Variants in UTRN observed in about 807,000 individuals in gnomAD.
UTRN encodes the protein utrophin, also known as dystrophin-related protein 1.
UTRN carries 283 observed loss-of-function variants against 463.9 expected under a neutral mutation model. The observed-to-expected ratio is 0.61, with a 90% confidence interval of 0.55 to 0.67. UTRN has a LOEUF of 0.67. Among genes scored for constraint, UTRN ranks in the 30% least tolerant of loss-of-function variants. The probability of loss-of-function intolerance (pLI) is 0.00; values close to 1 mark genes in which losing one functional copy is unlikely to be tolerated. For synonymous variants in UTRN, 1,442 were observed against 1,431.5 expected (o/e 1.01, Z -0.17); for missense variants, 3,922 against 4,084.3 (o/e 0.96, Z 1.08).
intron 2 of UTRN, among the ~76,000 whole-genome samples, chr6:144,326,812 C>G (rs1414278593): frequency 6.6e-6 from 1 of 152,144 alleles, no homozygotes; most frequent in African/African-American, 2.4e-5. Context: ...AGGGGCCAAC[C>G]AGTCCAGTTA....
intron 64 of UTRN, 130 bp downstream of exon 64, chr6:144,798,120 T>C (rs1777391389): frequency 2.5e-6 from 3 of 1,212,438 alleles, no homozygotes; most frequent in South Asian, 1.5e-5. Flanking sequence ...ATGTTCAGTA[T>C]GTCTCATCTA....
intron 3 of UTRN, among the ~76,000 whole-genome samples, chr6:144,411,626 G>A (rs1783904973): frequency 6.6e-6 from 1 of 152,128 alleles, no homozygotes; most frequent in South Asian, 2.1e-4. Flanking sequence ...ATATTACTTG[G>A]TTTGGCATGT....
intron 26 of UTRN, among the ~76,000 whole-genome samples, chr6:144,480,957 T>C (rs1371385600): frequency 6.6e-6 from 1 of 152,324 alleles, no homozygotes; most frequent in East Asian, 1.9e-4. Context: ...GTAGCTCTTT[T>C]TGAAAGATTT....
chr6:144,617,275 A>G (rs553456246), intron 51 of UTRN, among the ~76,000 whole-genome samples: 25 of 152,270 alleles, frequency 1.6e-4, no homozygotes, highest in African/African-American at 5.8e-4. Context: ...TATACAAATG[A>G]TATGTTTAGA....
chr6:144,487,992 A>G (rs1792644436), intron 29 of UTRN, among the ~76,000 whole-genome samples: 1 of 152,220 alleles, frequency 6.6e-6, no homozygotes, highest in Non-Finnish European at 1.5e-5. Context: ...AACAACTCAT[A>G]CTATCCTAGT....
At chr6:144,684,166 C>T (rs752413173) in intron 52 of UTRN, among the ~76,000 whole-genome samples, 4 of 151,806 alleles carry the variant, frequency 2.6e-5, no homozygotes, top group Admixed American at 6.6e-5. Context: ...TCTCCTGCCT[C>T]AGCCTCCCAA....
At chr6:144,489,247 C>T (rs866513098) in intron 30 of UTRN, among the ~76,000 whole-genome samples, 6 of 152,032 alleles carry the variant, frequency 3.9e-5, no homozygotes, top group Admixed American at 2.6e-4. Flanking sequence ...GACGGGGTTT[C>T]GCCATGTTGG....
At chr6:144,332,622 C>A (rs1776416247) in intron 2 of UTRN, among the ~76,000 whole-genome samples, 1 of 151,908 alleles carries the variant, frequency 6.6e-6, no homozygotes, top group Admixed American at 6.6e-5. Flanking sequence ...GAGAGAACTC[C>A]TACTCAGAAT....
intron 51 of UTRN, among the ~76,000 whole-genome samples, chr6:144,597,094 C>T (rs1453131959): frequency 6.6e-6 from 1 of 151,998 alleles, no homozygotes; most frequent in Non-Finnish European, 1.5e-5. Flanking sequence ...AAAAATTAGC[C>T]GGATGTGGTG....
intron 66 of UTRN, among the ~76,000 whole-genome samples, chr6:144,826,577 C>T (rs1780206204): frequency 1.3e-5 from 2 of 152,120 alleles, no homozygotes; most frequent in South Asian, 4.1e-4. Context: ...TCTTCCTAGG[C>T]AGTATATGAC....
At chr6:144,523,669 TG>T (rs2128597192) in intron 41 of UTRN, among the ~76,000 whole-genome samples, 1 of 152,346 alleles carries the variant, frequency 6.6e-6, no homozygotes, top group African/African-American at 2.4e-5. Context: ...AATGTGATCA[TG>T]TATAGATGAC....
chr6:144,418,507 G>A (rs995825533), intron 3 of UTRN, among the ~76,000 whole-genome samples: 2 of 151,874 alleles, frequency 1.3e-5, no homozygotes, highest in Admixed American at 6.6e-5. Flanking sequence ...ACAGGCGTGA[G>A]CCATCGTGCC....
chr6:144,685,755 A>G (rs1191461882), intron 52 of UTRN, among the ~76,000 whole-genome samples: 1 of 149,128 alleles, frequency 6.7e-6, no homozygotes, highest in East Asian at 1.9e-4. Context: ...TAGATTCTGG[A>G]TATCAATTCT....
At position 144,748,436 on chromosome 6, in the gene UTRN, A is replaced by G; in HGVS notation, c.8130A>G (p.Ala2710=). The change falls in exon 55 of 75, where the codon GCA becomes GCG. Residue 2710 remains alanine, a synonymous_variant. Coordinates refer to ENST00000367545, the MANE Select transcript of UTRN (RefSeq NM_007124.3). ...ACCTGGACGCTGACATGAAGGAGGC[A>G]GAGTCCGTGCGGAATGGCTGGAAGC... ...MDDLDADMKE[A]ESVRNGWKPV... 6.2e-7 allele frequency: 1 copy of G among 1,614,024 alleles called. No individual in the cohort carries two copies. Among genetic ancestry groups the G allele is most frequent in the Non-Finnish European group, 8.5e-7 (1 of 1,179,944 alleles).
At chr6:144,412,774 C>G (rs1296339305) in intron 3 of UTRN, among the ~76,000 whole-genome samples, 1 of 149,926 alleles carries the variant, frequency 6.7e-6, no homozygotes, top group African/African-American at 2.5e-5. Context: ...CACACACACA[C>G]ACACACACAC....
intron 65 of UTRN, among the ~76,000 whole-genome samples, chr6:144,807,106 GC>G (rs886486971): frequency 3.8e-4 from 58 of 152,200 alleles, no homozygotes; most frequent in African/African-American, 1.3e-3. Flanking sequence ...CTTGATGTTT[GC>G]ATTCCTCAGA....
chr6:144,758,063 C>A, intron 58 of UTRN, 74 bp downstream of exon 58: 3 of 1,290,688 alleles, frequency 2.3e-6, no homozygotes, highest in South Asian at 1.3e-5. Flanking sequence ...GGCTTCTCTC[C>A]CCATAACTTT....
chr6:144,485,335 A>C (rs1442361154), intron 27 of UTRN, 50 bp from the exon 28 acceptor site: 1 of 1,610,376 alleles, frequency 6.2e-7, no homozygotes. Flanking sequence ...TACTAGAGAT[A>C]CGATGTGTGA....
chr6:144,488,606 G>T (rs1792717135), intron 29 of UTRN, 67 bp from the exon 30 acceptor site: 1 of 1,505,688 alleles, frequency 6.6e-7, no homozygotes, highest in African/African-American at 1.4e-5. Context: ...TTAGTGGCCA[G>T]AATATATATA....
Sources: gnomAD v4.1 joint callset for allele counts (sites outside exome capture counted in the v4.1 genomes callset) on GRCh38, gnomAD v4.1.1 for gene constraint, MANE v1.5 for transcripts, NCBI Gene and HGNC (gene_info 2026-07-23, HGNC 2026-07-21) for gene names.